CTNNA3: variants seen among roughly 807,000 people sequenced by gnomAD.
The protein encoded by CTNNA3 is catenin alpha-3.
In CTNNA3, 76 loss-of-function variants were observed where a neutral mutation model predicts 95.7. The observed-to-expected ratio is 0.79, with a 90% CI of 0.66 to 0.96. CTNNA3 has a LOEUF of 0.96. Among genes scored for constraint, CTNNA3 ranks in the 40% least tolerant of loss-of-function variants. The pLI is 0.00. For synonymous variants in CTNNA3, 431 were observed against 374.4 expected, an observed-to-expected ratio of 1.15 and a Z score of -1.74; for missense variants, 1,191 against 1,089.8, an observed-to-expected ratio of 1.09 and a Z score of -1.31.
chr10:67,372,832 A>C (rs1306145798), intron 5 of CTNNA3, among the ~76,000 whole-genome samples: 2 of 152,220 alleles, frequency 1.3e-5, no homozygotes, highest in Non-Finnish European at 2.9e-5. Flanking sequence ...CAACATTCTT[A>C]AAGAAAAGAA....
intron 9 of CTNNA3, among the ~76,000 whole-genome samples, chr10:66,723,966 T>TC (rs967926078): frequency 2.8e-4 from 42 of 152,128 alleles, no homozygotes; most frequent in African/African-American, 9.9e-4. Context: ...TCATATTTTT[T>TC]CCCCTCCTGG....
chr10:67,390,744 G>C (rs1476198433), intron 5 of CTNNA3, among the ~76,000 whole-genome samples: 1 of 150,146 alleles, frequency 6.7e-6, no homozygotes, highest in Non-Finnish European at 1.5e-5. Flanking sequence ...TGCAAGGCTG[G>C]TTCAATATAT....
chr10:66,615,162 T>C (rs765689865), intron 10 of CTNNA3, among the ~76,000 whole-genome samples: 6 of 152,024 alleles, frequency 3.9e-5, no homozygotes, highest in Non-Finnish European at 8.8e-5. Flanking sequence ...ATGTGGACAT[T>C]CCTGTGCCAA....
chr10:66,926,900 C>A (rs201381878), intron 7 of CTNNA3: 2 of 1,536,514 alleles, frequency 1.3e-6, no homozygotes, highest in Middle Eastern at 1.8e-4. Context: ...GATAACTTTT[C>A]TAAGTTGTTT....
At position 67,528,717 on chromosome 10, in the gene CTNNA3, G is replaced by A. The variant is rs183557348; in HGVS notation, c.460-6756C>T. 1.3e-3 allele frequency among the ~76,000 whole-genome samples: 198 copies of A among 152,176 alleles called. 1 individual carries two copies. Among genetic ancestry groups the A allele is most frequent in the African/African-American group, 4.4e-3 (182 of 41,506 alleles). On this transcript the variant is annotated intron_variant, in intron 4 of 17. Transcript: ENST00000433211. The stretch of plus-strand genomic sequence containing the variant: ...ATTCCAAGAGAGCAGGATCATGATG[G>A]TATTTTTAGAAATTTGAATCCCTAG...
chr10:66,651,656 C>T (rs1845905818), intron 9 of CTNNA3, among the ~76,000 whole-genome samples: 1 of 152,044 alleles, frequency 6.6e-6, no homozygotes, highest in African/African-American at 2.4e-5. Flanking sequence ...CAGTGCCCGC[C>T]GGCCGGCACT....
chr10:66,420,690 T>C (rs2093184243), intron 11 of CTNNA3, among the ~76,000 whole-genome samples: 1 of 151,886 alleles, frequency 6.6e-6, no homozygotes, highest in African/African-American at 2.4e-5. Context: ...TACCAGCTAC[T>C]TGGGAGGCTG....
intron 6 of CTNNA3, among the ~76,000 whole-genome samples, chr10:67,203,985 G>A (rs1271080654): frequency 6.6e-6 from 1 of 152,140 alleles, no homozygotes; most frequent in Non-Finnish European, 1.5e-5. Flanking sequence ...GTGACTGCTG[G>A]AATATGGCTG....
intron 12 of CTNNA3, among the ~76,000 whole-genome samples, chr10:66,360,591 C>CT (rs2092646419): frequency 8.9e-6 from 1 of 111,948 alleles, no homozygotes. Context: ...CTAATGTATT[C>CT]TTTCCTTCTT....
At chr10:66,541,099 CT>C (rs1841836029) in intron 10 of CTNNA3, among the ~76,000 whole-genome samples, 1 of 152,078 alleles carries the variant, frequency 6.6e-6, no homozygotes, top group Non-Finnish European at 1.5e-5. Context: ...GCCCATTTGT[CT>C]GCATCAATTT....
At chr10:66,051,759 C>A (rs1252974132) in intron 15 of CTNNA3, among the ~76,000 whole-genome samples, 1 of 152,176 alleles carries the variant, frequency 6.6e-6, no homozygotes, top group East Asian at 1.9e-4. Context: ...ACTATCAATT[C>A]TATCAGTTCA....
intron 5 of CTNNA3, among the ~76,000 whole-genome samples, chr10:67,231,250 A>C (rs952307237): frequency 2.0e-5 from 3 of 152,256 alleles, no homozygotes; most frequent in South Asian, 2.1e-4. Context: ...AGACAGCAGT[A>C]ACCTCTGCAG....
chr10:67,258,874 C>A (rs888810485), intron 5 of CTNNA3, among the ~76,000 whole-genome samples: 2 of 152,116 alleles, frequency 1.3e-5, no homozygotes, highest in Non-Finnish European at 2.9e-5. Context: ...CCCACTGATA[C>A]CAGAATTCTC....
In CTNNA3 at chr10:67,212,134, T is replaced by A. The variant is rs140201857; in HGVS notation, c.843+7473A>T. Among the ~76,000 whole-genome samples, 729 of 152,150 alleles carry A rather than the reference T, an allele frequency of 4.8e-3. 9 individuals carry two copies. The highest frequency in any genetic ancestry group is 0.016 in the African/African-American group (683 of 41,546). ...ATTTACCACCCATTTTAACACACTT[T>A]ATTCAATTTCATTATTAACTACCTC... On this transcript the variant is annotated intron_variant, in intron 6 of 17. Transcript: ENST00000433211.
chr10:67,061,592 T>C (rs1855761175), intron 7 of CTNNA3, among the ~76,000 whole-genome samples: 2 of 152,182 alleles, frequency 1.3e-5, no homozygotes, highest in African/African-American at 2.4e-5. Context: ...GAAGGCTACC[T>C]GTGAATTGTA....
At chr10:65,920,865 A>G (rs1205807674) in intron 17 of CTNNA3, among the ~76,000 whole-genome samples, 1 of 152,168 alleles carries the variant, frequency 6.6e-6, no homozygotes, top group East Asian at 1.9e-4. Context: ...ACTGAGCCTG[A>G]TAGTCTATTA....
At chr10:66,150,921 G>T (rs1193728970) in intron 13 of CTNNA3, among the ~76,000 whole-genome samples, 1 of 151,978 alleles carries the variant, frequency 6.6e-6, no homozygotes, top group East Asian at 1.9e-4. Flanking sequence ...TTTAATAAGG[G>T]ATGGGACTGT....
intron 7 of CTNNA3, among the ~76,000 whole-genome samples, chr10:66,886,195 A>G (rs548185787): frequency 2.5e-4 from 38 of 152,262 alleles, no homozygotes; most frequent in Non-Finnish European, 5.0e-4. Context: ...ATTTTGGAGA[A>G]TGCTCTGGAA....
intron 7 of CTNNA3, among the ~76,000 whole-genome samples, chr10:66,945,938 C>A (rs1848248787): frequency 6.6e-6 from 1 of 151,916 alleles, no homozygotes; most frequent in Non-Finnish European, 1.5e-5. Flanking sequence ...TTGAAGGACC[C>A]CAAAACAATT....
Sources: allele counts gnomAD v4.1 joint callset (sites outside exome capture counted in the v4.1 genomes callset), GRCh38; gene constraint gnomAD v4.1.1; transcripts MANE v1.5; gene names NCBI Gene and HGNC (gene_info 2026-07-23, HGNC 2026-07-21).